MSRA: variants seen among roughly 807,000 people sequenced by gnomAD.
MSRA encodes mitochondrial peptide methionine sulfoxide reductase.
MSRA carries 54 observed loss-of-function variants against 31.3 expected under a neutral mutation model. That is an observed-to-expected ratio of 1.73 (90% CI 1.39 to 2.17). MSRA has a LOEUF of 2.17. Ranked by LOEUF, MSRA falls within the 30% of genes most tolerant of loss-of-function variation. The pLI, the probability that MSRA is intolerant of heterozygous loss-of-function variation, is 0.00. For synonymous variants in MSRA, 169 were observed against 116.5 expected (o/e 1.45, Z -2.90); for missense variants, 507 against 300.9 (o/e 1.69, Z -5.07).
chr8:10,177,957 C>G (rs1806199941), intron 1 of MSRA, among the ~76,000 whole-genome samples: 2 of 152,186 alleles, frequency 1.3e-5, no homozygotes, highest in South Asian at 4.1e-4. Flanking sequence ...ACTAGAATTA[C>G]TTTGAACCAG....
intron 1 of MSRA, among the ~76,000 whole-genome samples, chr8:10,103,481 G>A (rs561067048): frequency 1.3e-5 from 2 of 152,270 alleles, no homozygotes; most frequent in African/African-American, 4.8e-5. Context: ...TCTAAAGGTT[G>A]ACTTTTCCTA....
intron 4 of MSRA, among the ~76,000 whole-genome samples, chr8:10,309,434 T>C (rs1163007789): frequency 1.3e-5 from 2 of 152,254 alleles, no homozygotes; most frequent in African/African-American, 4.8e-5. Flanking sequence ...TTTGTTTGTC[T>C]TGTTCTTTCG....
intron 5 of MSRA, among the ~76,000 whole-genome samples, chr8:10,348,357 CTTTTTTTTTT>C (rs34083972): frequency 6.2e-5 from 4 of 64,242 alleles, no homozygotes; most frequent in African/African-American, 2.7e-4. Context: ...AAATTATTGC[CTTTTTTTTTT>C]TTTTTTTTTT....
intron 5 of MSRA, among the ~76,000 whole-genome samples, chr8:10,367,410 A>G (rs903361965): frequency 4.6e-5 from 7 of 152,196 alleles, no homozygotes; most frequent in South Asian, 2.1e-4. Context: ...GAAAAAATAT[A>G]GTATATATAG....
chr8:10,070,251 G>T (rs768942934), intron 1 of MSRA, among the ~76,000 whole-genome samples: 2 of 152,158 alleles, frequency 1.3e-5, no homozygotes, highest in Non-Finnish European at 2.9e-5. Flanking sequence ...TAAGTACAGC[G>T]TGGCAGCCGG....
chr8:10,291,705 C>G (rs1800245617), intron 3 of MSRA, among the ~76,000 whole-genome samples: 1 of 152,006 alleles, frequency 6.6e-6, no homozygotes, highest in South Asian at 2.1e-4. Context: ...CTGGATCATT[C>G]TGTGTGCTCT....
Position 10,054,630 on chromosome 8 carries a change from G to A in MSRA, c.114G>A (p.Pro38=). 1.3e-6 allele frequency: 2 copies of A among 1,576,026 alleles called. No homozygotes were observed. Among genetic ancestry groups the A allele is most frequent in the Non-Finnish European group, 1.7e-6 (2 of 1,161,792 alleles). ...SNIVSPQEAL[P]GRKEQTPVAA... ...TCGTCAGCCCCCAGGAGGCCTTGCC[G>A]GGCCGGAAGGAACAGACCCCTGTAG... Residue 38 remains proline, a synonymous_variant, in exon 1 of 6, where the codon CCG becomes CCA. Coordinates refer to ENST00000317173, the MANE Select transcript of MSRA (RefSeq NM_012331.5).
At chr8:10,418,333 C>G (rs923931934) in intron 5 of MSRA, among the ~76,000 whole-genome samples, 11 of 152,044 alleles carry the variant, frequency 7.2e-5, no homozygotes, top group Non-Finnish European at 1.5e-4. Context: ...TCCTCCTTGC[C>G]ACAAGGGCCT....
At chr8:10,157,630 AAATAAT>A (rs947033663) in intron 1 of MSRA, among the ~76,000 whole-genome samples, 1 of 151,924 alleles carries the variant, frequency 6.6e-6, no homozygotes, top group African/African-American at 2.4e-5. Flanking sequence ...TTACACTCTA[AAATAAT>A]AATAATAATA....
At position 10,207,876 on chromosome 8, in the gene MSRA, A is replaced by G. The variant is rs762699105; in HGVS notation, c.186A>G (p.Pro62=). 1.9e-6 allele frequency: 3 copies of G among 1,612,698 alleles called. No individual in the cohort carries two copies. Among genetic ancestry groups the G allele is most frequent in the South Asian group, 1.1e-5 (1 of 90,838 alleles). Residue 62 remains proline, a synonymous_variant, in exon 2 of 6, where the codon CCA becomes CCG. Coordinates refer to ENST00000317173, the MANE Select transcript of MSRA (RefSeq NM_012331.5). The part of the protein sequence containing the change: ...VNGNRTVEPF[P]EGTQMAVFGM... ...GCAACAGAACAGTCGAACCTTTCCCAGAGGGAACACAGATGGCTGTATTTG... is the reference window on the plus strand; with the variant it reads ...GCAACAGAACAGTCGAACCTTTCCCGGAGGGAACACAGATGGCTGTATTTG...
chr8:10,130,955 G>T (rs1294079250), intron 1 of MSRA, among the ~76,000 whole-genome samples: 1 of 152,174 alleles, frequency 6.6e-6, no homozygotes, highest in Non-Finnish European at 1.5e-5. Flanking sequence ...AGAATCCTCA[G>T]TGTGCTTTTA....
intron 5 of MSRA, among the ~76,000 whole-genome samples, chr8:10,371,409 A>T (rs915112578): frequency 6.6e-6 from 1 of 152,032 alleles, no homozygotes; most frequent in Non-Finnish European, 1.5e-5. Flanking sequence ...CCCTGACCCC[A>T]CATAGAACTC....
chr8:10,425,042 A>AG (rs1389658491), intron 5 of MSRA, among the ~76,000 whole-genome samples: 2 of 152,056 alleles, frequency 1.3e-5, no homozygotes, highest in African/African-American at 4.8e-5. Context: ...CAGCGGACGA[A>AG]GGGGGACCAG....
chr8:10,344,105 C>G (rs1190095476), intron 5 of MSRA, among the ~76,000 whole-genome samples: 7 of 152,280 alleles, frequency 4.6e-5, no homozygotes, highest in South Asian at 4.2e-4. Context: ...CTCCCTCTTG[C>G]TAAGGAAGTT....
At chr8:10,154,143 G>A (rs896923250) in intron 1 of MSRA, among the ~76,000 whole-genome samples, 1 of 152,166 alleles carries the variant, frequency 6.6e-6, no homozygotes, top group Non-Finnish European at 1.5e-5. Flanking sequence ...TGCAAGGGTG[G>A]CAAAGGCCTG....
chr8:10,097,298 G>A (rs1032436726), intron 1 of MSRA, among the ~76,000 whole-genome samples: 20 of 152,012 alleles, frequency 1.3e-4, no homozygotes, highest in African/African-American at 4.8e-4. Flanking sequence ...ACATTTATGT[G>A]TGTTGCCAAA....
At chr8:10,249,094 G>A (rs1220837663) in intron 3 of MSRA, among the ~76,000 whole-genome samples, 3 of 152,166 alleles carry the variant, frequency 2.0e-5, no homozygotes, top group African/African-American at 4.8e-5. Context: ...GTTCTGGGCA[G>A]ACCCACAGAG....
intron 1 of MSRA, among the ~76,000 whole-genome samples, chr8:10,065,764 T>G (rs941118403): frequency 6.6e-6 from 1 of 152,160 alleles, no homozygotes; most frequent in South Asian, 2.1e-4. Context: ...GTAAAGGAAA[T>G]TGATAGAGTT....
At chr8:10,176,549 T>G (rs528167722) in intron 1 of MSRA, among the ~76,000 whole-genome samples, 1 of 152,356 alleles carries the variant, frequency 6.6e-6, no homozygotes, top group East Asian at 1.9e-4. Flanking sequence ...ATGCTCACAC[T>G]TGTGTATCAT....
Sources: gnomAD v4.1 joint callset for allele counts (sites outside exome capture counted in the v4.1 genomes callset) on GRCh38, gnomAD v4.1.1 for gene constraint, MANE v1.5 for transcripts, NCBI Gene and HGNC (gene_info 2026-07-23, HGNC 2026-07-21) for gene names.